Variants in COMMD10 observed in about 807,000 individuals in gnomAD.
COMMD10 encodes the protein COMM domain containing 10.
Under a neutral mutation model 28.9 loss-of-function variants are expected in COMMD10, and 33 were observed. The observed-to-expected ratio is 1.14, with a 90% confidence interval of 0.87 to 1.53. COMMD10 has a LOEUF of 1.53. COMMD10 is among the 40% of genes most tolerant of loss of function. The pLI is 0.00. For synonymous variants in COMMD10, 110 were observed against 81.7 expected, an observed-to-expected ratio of 1.35 and a Z score of -1.87; for missense variants, 310 against 233.4, an observed-to-expected ratio of 1.33 and a Z score of -2.14.
At chr5:116,233,225 A>T (rs1206111125) in intron 5 of COMMD10, among the ~76,000 whole-genome samples, 1 of 152,144 alleles carries the variant, frequency 6.6e-6, no homozygotes, top group Admixed American at 6.5e-5. Context: ...GAGAAAGACT[A>T]CATTCTCATG....
chr5:116,168,514 A>T (rs1002583960), intron 5 of COMMD10, among the ~76,000 whole-genome samples: 1 of 152,136 alleles, frequency 6.6e-6, no homozygotes, highest in Non-Finnish European at 1.5e-5. Context: ...CTCCACCCCA[A>T]TCAACAGAGT....
At position 116,229,940 on chromosome 5, in the gene COMMD10, A is replaced by G. The variant is rs151335994; in HGVS notation, c.511-61577A>G. Among the ~76,000 whole-genome samples the G allele has an allele frequency of 8.4e-4, 127 of 151,912 alleles. 4 individuals are homozygous for G. In the East Asian group the frequency reaches 0.023, roughly 28 times the overall value. ...TTTAGACCACCTAAAAACACTAGAT[A>G]TATGATTATTCATACCTGAGCCCCC... On this transcript the variant is annotated intron_variant, in intron 5 of 6. Coordinates refer to ENST00000274458, the MANE Select transcript of COMMD10 (RefSeq NM_016144.4).
At chr5:116,212,207 T>C (rs6421861) in intron 5 of COMMD10, among the ~76,000 whole-genome samples, 56,848 of 152,002 alleles carry the variant, frequency 0.37, 13,153 homozygotes, top group African/African-American at 0.66. Flanking sequence ...ACCATAGAAA[T>C]AACCATCTGT....
chr5:116,219,635 T>A (rs930012165), intron 5 of COMMD10, among the ~76,000 whole-genome samples: 11 of 152,186 alleles, frequency 7.2e-5, no homozygotes, highest in African/African-American at 9.7e-5. Flanking sequence ...CCCTGCTGAC[T>A]CCTTGTTTTC....
intron 5 of COMMD10, among the ~76,000 whole-genome samples, chr5:116,283,690 A>G (rs1195160200): frequency 2.0e-5 from 3 of 151,630 alleles, no homozygotes; most frequent in Non-Finnish European, 4.4e-5. Flanking sequence ...TTTTTAACCA[A>G]ATCTGATCAA....
chr5:116,226,621 A>C (rs1358242981), intron 5 of COMMD10, among the ~76,000 whole-genome samples: 2 of 151,532 alleles, frequency 1.3e-5, no homozygotes, highest in Non-Finnish European at 2.9e-5. Flanking sequence ...AAAAAGCACC[A>C]ATCAACTTAG....
intron 5 of COMMD10, among the ~76,000 whole-genome samples, chr5:116,267,680 A>G (rs1191869242): frequency 3.3e-5 from 5 of 151,864 alleles, no homozygotes; most frequent in Non-Finnish European, 7.3e-5. Context: ...GAGGCATCAC[A>G]TTACCTGACT....
intron 4 of COMMD10, among the ~76,000 whole-genome samples, chr5:116,101,873 G>A (rs1750676459): frequency 6.6e-6 from 1 of 152,102 alleles, no homozygotes; most frequent in Non-Finnish European, 1.5e-5. Flanking sequence ...GTCTATTCAT[G>A]TCCTTTGCCC....
At position 116,241,757 on chromosome 5, in the gene COMMD10, C is replaced by T. The variant is rs113310887; in HGVS notation, c.511-49760C>T. Among the ~76,000 whole-genome samples the T allele has an allele frequency of 5.9e-5, 9 of 151,902 alleles. 1 individual carries two copies. The highest frequency in any genetic ancestry group is 2.1e-4 in the South Asian group (1 of 4,822). ...CCTTCTGAGTAGCTGGGACTACAGG[C>T]GCCCGCCACCACGCCCAGCTAATTT... On this transcript the variant is annotated intron_variant, in intron 5 of 6. Transcript: ENST00000274458.
intron 5 of COMMD10, among the ~76,000 whole-genome samples, chr5:116,150,143 G>T (rs1252390050): frequency 6.6e-6 from 1 of 152,032 alleles, no homozygotes; most frequent in African/African-American, 2.4e-5. Flanking sequence ...TTTTTGTCAG[G>T]TTTGTCAAAG....
chr5:116,195,225 G>A (rs1748478584), intron 5 of COMMD10, among the ~76,000 whole-genome samples: 1 of 152,106 alleles, frequency 6.6e-6, no homozygotes, highest in South Asian at 2.1e-4. Context: ...ATGAGGAAAA[G>A]TTGAAAGCAT....
intron 4 of COMMD10, among the ~76,000 whole-genome samples, chr5:116,123,218 A>G (rs1580464189): frequency 6.6e-6 from 1 of 152,082 alleles, no homozygotes; most frequent in Admixed American, 6.6e-5. Flanking sequence ...AACTAATACA[A>G]ATGGAATCTA....
chr5:116,123,955 G>C (rs111965012), intron 4 of COMMD10, among the ~76,000 whole-genome samples: 124,646 of 151,646 alleles, frequency 0.82, 51,371 homozygotes, highest in African/African-American at 0.85. Context: ...GATTCTTCTC[G>C]CTTTTCTTCT....
intron 5 of COMMD10, among the ~76,000 whole-genome samples, chr5:116,143,595 GAA>G (rs1375081083): frequency 6.6e-6 from 1 of 151,716 alleles, no homozygotes; most frequent in Non-Finnish European, 1.5e-5. Context: ...TTTTAAAACA[GAA>G]TATGTTTAGA....
chr5:116,229,421 A>G (rs1202992431), intron 5 of COMMD10, among the ~76,000 whole-genome samples: 1 of 152,068 alleles, frequency 6.6e-6, no homozygotes, highest in Admixed American at 6.6e-5. Context: ...CAAGGCAGGC[A>G]GAGAAGCAGG....
chr5:116,282,354 G>A (rs1751093227), intron 5 of COMMD10, among the ~76,000 whole-genome samples: 1 of 151,774 alleles, frequency 6.6e-6, no homozygotes, highest in Non-Finnish European at 1.5e-5. Flanking sequence ...AATGTAGTTT[G>A]GAGAAACTCC....
intron 5 of COMMD10, among the ~76,000 whole-genome samples, chr5:116,248,267 G>A (rs937521817): frequency 4.6e-5 from 7 of 151,908 alleles, no homozygotes; most frequent in African/African-American, 1.4e-4. Context: ...TGCATAAATT[G>A]ACTTAAGTGT....
chr5:116,204,479 G>T (rs1748760950), intron 5 of COMMD10, among the ~76,000 whole-genome samples: 1 of 150,544 alleles, frequency 6.6e-6, no homozygotes, highest in Admixed American at 6.6e-5. Context: ...TTTAGTTCTG[G>T]TTCCTGATGG....
At chr5:116,163,895 G>T (rs1035980221) in intron 5 of COMMD10, among the ~76,000 whole-genome samples, 2 of 151,924 alleles carry the variant, frequency 1.3e-5, no homozygotes, top group East Asian at 3.9e-4. Context: ...GTATATTTTT[G>T]GTTTTGTCTT....
Sources: gnomAD v4.1 joint callset for allele counts (sites outside exome capture counted in the v4.1 genomes callset) on GRCh38, gnomAD v4.1.1 for gene constraint, MANE v1.5 for transcripts, NCBI Gene and HGNC (gene_info 2026-07-23, HGNC 2026-07-21) for gene names.